The following QKI variants were observed in gnomAD, a reference collection of about 807,000 sequenced individuals.
QKI encodes KH domain-containing RNA-binding protein QKI.
A neutral mutation model predicts 39.0 loss-of-function variants in QKI; 10 were observed. The ratio of observed to expected loss-of-function variants is 0.26; its 90% CI spans 0.16 to 0.43. The LOEUF (loss-of-function observed/expected upper bound fraction) is 0.43, where lower values mean the gene tolerates loss of function less well. QKI is among the 20% of genes least tolerant of loss of function. The pLI is 1.00. For missense variants in QKI, 218 were observed against 428.0 expected (o/e 0.51, Z 4.33); for synonymous variants, 204 against 155.4 (o/e 1.31, Z -2.33).
At chr6:163,539,850 T>C (rs961997257) in intron 4 of QKI, among the ~76,000 whole-genome samples, 3 of 152,190 alleles carry the variant, frequency 2.0e-5, no homozygotes, top group African/African-American at 7.2e-5. Context: ...AAACCCTGGA[T>C]ATTATCAAAC....
rs1783991781 is a variant in QKI at position 163,576,652 on chromosome 6, T to G, written c.*5942T>G. ...GAGAACTGCATGACCGTACATGAAA[T>G]GCAATAAACCAACTGGAAAAAGTGC... On this transcript the variant is annotated 3_prime_UTR_variant, in exon 8 of 8. Transcript: ENST00000361752. 1 of 152,032 alleles carries G rather than the reference T, an allele frequency of 6.6e-6. No homozygotes were observed. Among genetic ancestry groups the G allele is most frequent in the Non-Finnish European group, 1.5e-5 (1 of 68,012 alleles). The allele number at this position is 152,032 out of a possible 1,614,324, so 9.4% of individuals were successfully genotyped here.
At chr6:163,425,526 G>A (rs1788339890) in intron 1 of QKI, among the ~76,000 whole-genome samples, 1 of 152,182 alleles carries the variant, frequency 6.6e-6, no homozygotes, top group Admixed American at 6.5e-5. Context: ...AGTAGACATT[G>A]GATGAAGTGT....
At chr6:163,565,636 T>C (rs1783317784) in intron 6 of QKI, 1 of 1,039,920 alleles carries the variant, frequency 9.6e-7, no homozygotes, top group African/African-American at 1.7e-5. Flanking sequence ...ATAAGGTGAA[T>C]AATAATAAGT....
intron 3 of QKI, among the ~76,000 whole-genome samples, chr6:163,517,073 C>CTT: frequency 1.6e-5 from 1 of 61,904 alleles, no homozygotes; most frequent in African/African-American, 8.8e-5. Context: ...CTCTCTCTCT[C>CTT]TCTCTCTTTC....
At chr6:163,470,053 C>T (rs975242057) in intron 2 of QKI, among the ~76,000 whole-genome samples, 4 of 152,232 alleles carry the variant, frequency 2.6e-5, no homozygotes, top group Admixed American at 6.5e-5. Flanking sequence ...CTGAACACAT[C>T]AGAGATTGTG....
At chr6:163,420,233 A>G (rs1300958549) in intron 1 of QKI, among the ~76,000 whole-genome samples, 1 of 143,348 alleles carries the variant, frequency 7.0e-6, no homozygotes, top group Non-Finnish European at 1.5e-5. Context: ...TATCAAGGGA[A>G]TTACACCAGT....
chr6:163,525,633 G>T (rs1336246875), intron 3 of QKI, among the ~76,000 whole-genome samples: 2 of 152,132 alleles, frequency 1.3e-5, no homozygotes, highest in African/African-American at 4.8e-5. Flanking sequence ...CCAAAGTGCT[G>T]AGATTACAGG....
Position 163,578,044 on chromosome 6 carries a change from A to G in QKI, c.*7334A>G, listed in dbSNP as rs1253172219. The G allele has an allele frequency of 6.6e-6, 1 of 152,204 alleles. No homozygotes were observed. The highest frequency in any genetic ancestry group is 1.5e-5 in the Non-Finnish European group (1 of 68,034). The allele number at this position is 152,204 out of a possible 1,614,324, so 9.4% of individuals were successfully genotyped here. On this transcript the variant is annotated 3_prime_UTR_variant, in exon 8 of 8. Transcript: ENST00000361752. ...TCTTCCCCAAAAAATGTTTATTAAA[A>G]TTAGATTATTCCAGTTTAATGCTAT...
At chr6:163,425,305 A>T (rs1405854291) in intron 1 of QKI, among the ~76,000 whole-genome samples, 1 of 152,172 alleles carries the variant, frequency 6.6e-6, no homozygotes, top group African/African-American at 2.4e-5. Context: ...TGGAATGGCA[A>T]ATGCATAGAT....
intron 4 of QKI, among the ~76,000 whole-genome samples, chr6:163,550,499 A>G (rs1782159156): frequency 6.6e-6 from 1 of 152,198 alleles, no homozygotes; most frequent in Non-Finnish European, 1.5e-5. Flanking sequence ...GGGGGAAGCT[A>G]TGTGGCTATT....
intron 2 of QKI, among the ~76,000 whole-genome samples, chr6:163,468,567 A>G (rs1182818093): frequency 6.6e-6 from 1 of 152,224 alleles, no homozygotes; most frequent in Non-Finnish European, 1.5e-5. Context: ...GTGAGCAGCA[A>G]TGAACAGCAT....
intron 2 of QKI, among the ~76,000 whole-genome samples, chr6:163,465,254 T>C (rs1035085999): frequency 2.6e-5 from 4 of 152,160 alleles, no homozygotes; most frequent in African/African-American, 7.2e-5. Context: ...CTGAAAGCTT[T>C]TCCTCTGAGG....
rs1487611352 is a variant in QKI, at chr6:163,568,287, T to A, written c.1009+1492T>A. On this transcript the variant is annotated intron_variant, in intron 7 of 7. Transcript: ENST00000361752. Reference sequence around the variant, plus strand: ...AATCTTTCCCTATGTATGCCCCCTTTTAGGAGATTTCTCACCATTTTGCTT... The same window carrying A: ...AATCTTTCCCTATGTATGCCCCCTTATAGGAGATTTCTCACCATTTTGCTT... 5 of 985,118 alleles carry A rather than the reference T, an allele frequency of 5.1e-6. No individual in the cohort carries two copies. In the South Asian group the frequency reaches 1.4e-4, roughly 28 times the overall value. The allele number at this position is 985,118 out of a possible 1,614,324, so 61.0% of individuals were successfully genotyped here. A position where few individuals can be genotyped will look rare whatever the true frequency, so the allele number is the denominator to read the frequency against.
At chr6:163,541,637 T>C (rs192581186) in intron 4 of QKI, among the ~76,000 whole-genome samples, 23 of 152,146 alleles carry the variant, frequency 1.5e-4, no homozygotes, top group Admixed American at 4.6e-4. Context: ...GGTGTACACA[T>C]GTACATGCAT....
chr6:163,568,634 A>G, intron 7 of QKI: 1 of 975,874 alleles, frequency 1.0e-6, no homozygotes, highest in Non-Finnish European at 1.2e-6. Context: ...GGTTAAAATT[A>G]TTTTAAAAAA....
At chr6:163,550,315 C>A (rs541157360) in intron 4 of QKI, among the ~76,000 whole-genome samples, 7 of 152,258 alleles carry the variant, frequency 4.6e-5, no homozygotes, top group African/African-American at 1.4e-4. Context: ...GCCACCAGTT[C>A]TCTTCCTGTA....
chr6:163,453,801 T>C (rs1790742778), intron 1 of QKI, among the ~76,000 whole-genome samples: 1 of 152,174 alleles, frequency 6.6e-6, no homozygotes, highest in Non-Finnish European at 1.5e-5. Flanking sequence ...AATTGTTATT[T>C]AAGAGATAAA....
intron 1 of QKI, among the ~76,000 whole-genome samples, chr6:163,432,000 C>T (rs1788872028): frequency 1.3e-5 from 2 of 152,022 alleles, no homozygotes; most frequent in African/African-American, 4.8e-5. Context: ...TCATTTGGCT[C>T]TTGGGACAGA....
chr6:163,483,675 C>T (rs1055068565), intron 3 of QKI, among the ~76,000 whole-genome samples: 1 of 152,192 alleles, frequency 6.6e-6, no homozygotes, highest in African/African-American at 2.4e-5. Flanking sequence ...GCTCTTTCCA[C>T]CACATCTGCA....
Sources: allele counts gnomAD v4.1 joint callset (sites outside exome capture counted in the v4.1 genomes callset), GRCh38; gene constraint gnomAD v4.1.1; transcripts MANE v1.5; gene names NCBI Gene and HGNC (gene_info 2026-07-23, HGNC 2026-07-21).